The following ABCG8 variants were observed in gnomAD, a reference collection of about 807,000 sequenced individuals.
The protein encoded by ABCG8 is ATP-binding cassette sub-family G member 8.
Under a neutral mutation model 71.3 loss-of-function variants are expected in ABCG8, and 81 were observed. The ratio of observed to expected loss-of-function variants is 1.14; its 90% CI spans 0.95 to 1.37. The LOEUF (loss-of-function observed/expected upper bound fraction) is 1.37, where lower values mean the gene tolerates loss of function less well. Among genes scored for constraint, ABCG8 ranks in the 40% most tolerant of loss-of-function variants. The probability of loss-of-function intolerance (pLI) is 0.00; values close to 1 mark genes in which losing one functional copy is unlikely to be tolerated. For missense variants in ABCG8, 1,119 were observed against 866.2 expected, an observed-to-expected ratio of 1.29 and a Z score of -3.66; for synonymous variants, 451 against 354.7, an observed-to-expected ratio of 1.27 and a Z score of -3.05.
chr2:43,848,138 A>G (rs1270147337), intron 3 of ABCG8: 1 of 152,194 alleles, frequency 6.6e-6, no homozygotes, highest in Non-Finnish European at 1.5e-5. Flanking sequence ...ACAAAAACAA[A>G]AAACAAAACA....
At position 43,877,802 on chromosome 2, in the gene ABCG8, G is replaced by C; in HGVS notation, c.1911G>C (p.Ser637=). 3 of 1,614,092 alleles carry C rather than the reference G, an allele frequency of 1.9e-6. No homozygotes were observed. Among genetic ancestry groups the C allele is most frequent in the Non-Finnish European group, 2.5e-6 (3 of 1,180,000 alleles). Residue 637 remains serine, a synonymous_variant, in exon 13 of 13, where the codon TCG becomes TCC. Coordinates refer to ENST00000272286, the MANE Select transcript of ABCG8 (RefSeq NM_022437.3). ...TCCTCAGTGTCATGGAGCTGGACTC[G>C]TACCCTCTCTACGCCATCTACCTCA... ...DKILSVMELD[S]YPLYAIYLIV...
At chr2:43,863,126 ACT>A (rs976048865) in intron 6 of ABCG8, among the ~76,000 whole-genome samples, 2 of 149,784 alleles carry the variant, frequency 1.3e-5, no homozygotes, top group African/African-American at 4.9e-5. Context: ...TAGAATTCTC[ACT>A]CTCTGGATAT....
At position 43,873,854 on chromosome 2, in the gene ABCG8, A is replaced by G. The variant is rs767656483; in HGVS notation, c.1279A>G (p.Met427Val). ...CATCCATGGGGCGGAGGCCTGTCTG[A>G]TGTCAATGACCATCGGCTTCCTCTA... ...LLIHGAEACL[M>V]SMTIGFLYFG... The change falls in exon 9 of 13, where the codon ATG (methionine) becomes GTG (valine). Residue 427 changes from methionine to valine, a missense_variant. Transcript: ENST00000272286. 2 of 1,613,942 alleles carry G rather than the reference A, an allele frequency of 1.2e-6. No individual in the cohort carries two copies. Among genetic ancestry groups the G allele is most frequent in the Non-Finnish European group, 1.7e-6 (2 of 1,179,988 alleles).
chr2:43,844,460 T>C (rs2104910416), intron 1 of ABCG8, 47 bp from the exon 2 acceptor site: 1 of 1,489,070 alleles, frequency 6.7e-7, no homozygotes, highest in Non-Finnish European at 9.4e-7. Flanking sequence ...TCTCCTATGT[T>C]CTCAGCAGCT....
chr2:43,860,639 A>G (rs1216052484), intron 6 of ABCG8, among the ~76,000 whole-genome samples: 1 of 149,476 alleles, frequency 6.7e-6, no homozygotes, highest in African/African-American at 2.5e-5. Flanking sequence ...ATCTGGATAG[A>G]ACTCTCGCTA....
rs1185471151 is a variant in ABCG8, at chr2:43,864,295, C to T, written c.965-7681C>T. 2.7e-5 allele frequency among the ~76,000 whole-genome samples: 4 copies of T among 150,604 alleles called. No homozygotes were observed. The South Asian group carries it at 8.4e-4, about 32-fold the overall frequency. On this transcript the variant is annotated intron_variant, in intron 6 of 12. Coordinates refer to ENST00000272286, the MANE Select transcript of ABCG8 (RefSeq NM_022437.3). ...CTATCTATTTTCATAGAATTCTCAC[C>T]ATATGGATAGAATTCTCACTATCTG...
intron 3 of ABCG8, among the ~76,000 whole-genome samples, chr2:43,849,548 C>A (rs550273816): frequency 6.6e-6 from 1 of 152,272 alleles, no homozygotes; most frequent in African/African-American, 2.4e-5. Context: ...GGATGAGATT[C>A]GGGTGGGGAC....
chr2:43,878,415 G>C lies in ABCG8; in HGVS notation c.*502G>C, dbSNP rs979586740. The C allele has an allele frequency of 1.6e-4, 35 of 223,716 alleles. No individual in the cohort carries two copies. Among genetic ancestry groups the C allele is most frequent in the African/African-American group, 7.2e-4 (32 of 44,718 alleles). The allele number at this position is 223,716 out of a possible 1,614,324, so 13.9% of individuals were successfully genotyped here. ...ATGCCATCCCTTCTTTTTGTGTGGG[G>C]TCATGGGCTCCAAAAGCCAACGTGA... On this transcript the variant is annotated 3_prime_UTR_variant, in exon 13 of 13. Coordinates refer to ENST00000272286, the MANE Select transcript of ABCG8 (RefSeq NM_022437.3).
intron 6 of ABCG8, among the ~76,000 whole-genome samples, chr2:43,860,404 G>A (rs58283698): frequency 0.05 from 7,032 of 140,212 alleles, 232 homozygotes; most frequent in Middle Eastern, 0.11. Flanking sequence ...GTTTGGTACA[G>A]TTCTCACGAT....
chr2:43,877,102 A>G (rs1355777507), intron 11 of ABCG8, among the ~76,000 whole-genome samples: 1 of 144,248 alleles, frequency 6.9e-6, no homozygotes, highest in African/African-American at 2.6e-5. Flanking sequence ...AACTGTGAAT[A>G]TGGGGGAGAC....
At chr2:43,840,559 T>C (rs1668547777) in intron 1 of ABCG8, among the ~76,000 whole-genome samples, 1 of 152,196 alleles carries the variant, frequency 6.6e-6, no homozygotes, top group Admixed American at 6.5e-5. Context: ...AACAAGAGGA[T>C]GAGGGTCACA....
At chr2:43,863,293 C>T (rs1185309635) in intron 6 of ABCG8, among the ~76,000 whole-genome samples, 1 of 151,508 alleles carries the variant, frequency 6.6e-6, no homozygotes, top group Non-Finnish European at 1.5e-5. Context: ...AGAATTCTCA[C>T]AATCTGGATA....
intron 1 of ABCG8, among the ~76,000 whole-genome samples, chr2:43,839,440 T>TTTTTTTTTTTTTTTTTTTC: frequency 9.8e-6 from 1 of 101,704 alleles, no homozygotes; most frequent in Non-Finnish European, 1.9e-5. Context: ...TTTTTTTTTT[T>TTTTTTTTTTTTTTTTTTTC]TTTTGAGACG....
At position 43,875,196 on chromosome 2, in the gene ABCG8, G is replaced by A; in HGVS notation, c.1539G>A (p.Met513Ile). The A allele has an allele frequency of 1.9e-6, 3 of 1,614,244 alleles. No individual in the cohort carries two copies. Among genetic ancestry groups the A allele is most frequent in the South Asian group, 1.1e-5 (1 of 91,092 alleles). The change falls in exon 11 of 13, where the codon ATG (methionine) becomes ATA (isoleucine). Residue 513 changes from methionine to isoleucine, a missense_variant. Coordinates refer to ENST00000272286, the MANE Select transcript of ABCG8 (RefSeq NM_022437.3). Reference protein sequence around the residue: ...EHCAYIIIYGMPTYWLANLRP... With the variant: ...EHCAYIIIYGIPTYWLANLRP... The stretch of plus-strand genomic sequence containing the variant: ...GTGCCTACATCATCATCTACGGGAT[G>A]CCCACCTACTGGCTGGCCAACCTGA...
At position 43,852,754 on chromosome 2, in the gene ABCG8, C is replaced by G. The variant is rs1668969820; in HGVS notation, c.850C>G (p.Leu284Val). The G allele has an allele frequency of 1.9e-6, 3 of 1,614,170 alleles. No individual in the cohort carries two copies. The East Asian group carries it at 6.7e-5, about 36-fold the overall frequency. ...CATCTTCAGGCTGTTTGATCTGGTC[C>G]TCCTGATGACGTCTGGCACCCCCAT... ...SDIFRLFDLV[L>V]LMTSGTPIYL... The change falls in exon 6 of 13, where the codon CTC becomes GTC. Residue 284 changes from leucine (L) to valine (V), a missense_variant. Transcript: ENST00000272286.
intron 3 of ABCG8, among the ~76,000 whole-genome samples, chr2:43,848,952 G>A (rs938276552): frequency 1.5e-4 from 23 of 150,990 alleles, no homozygotes; most frequent in African/African-American, 5.4e-4. Flanking sequence ...AACCCTGGAG[G>A]TGGAGGTTGC....
In ABCG8 at chr2:43,844,712, C is replaced by T. The variant is rs1322029946; in HGVS notation, c.165+104C>T. Reference sequence around the variant, plus strand: ...GGGCCCAACTTGCAGGCCCTCTGCCCGCAAGGACAGAGTCCAGTCCACATT... The same window carrying T: ...GGGCCCAACTTGCAGGCCCTCTGCCTGCAAGGACAGAGTCCAGTCCACATT... On this transcript the variant is annotated intron_variant, in intron 2 of 12. Coordinates refer to ENST00000272286, the MANE Select transcript of ABCG8 (RefSeq NM_022437.3). 5 of 857,320 alleles carry T rather than the reference C, an allele frequency of 5.8e-6. No individual in the cohort carries two copies. The East Asian group carries it at 1.1e-4, about 18-fold the overall frequency. The allele number at this position is 857,320 out of a possible 1,614,324, so 53.1% of individuals were successfully genotyped here. A position where few individuals can be genotyped will look rare whatever the true frequency, so the allele number is the denominator to read the frequency against.
intron 3 of ABCG8, 46 bp downstream of exon 3, chr2:43,846,357 A>G (rs998883318): frequency 3.1e-6 from 5 of 1,613,372 alleles, no homozygotes; most frequent in East Asian, 2.2e-5. Flanking sequence ...CTCCTGGGAT[A>G]CAGAATGGTC....
intron 1 of ABCG8, among the ~76,000 whole-genome samples, chr2:43,840,719 G>A (rs1415096558): frequency 6.6e-6 from 1 of 152,196 alleles, no homozygotes; most frequent in African/African-American, 2.4e-5. Flanking sequence ...TGGCTAGAAT[G>A]CGCTGGTACG....
Sources: allele counts gnomAD v4.1 joint callset (sites outside exome capture counted in the v4.1 genomes callset), GRCh38; gene constraint gnomAD v4.1.1; transcripts MANE v1.5; gene names NCBI Gene and HGNC (gene_info 2026-07-23, HGNC 2026-07-21).